The following CDH4 variants were observed in gnomAD, a reference collection of about 807,000 sequenced individuals.
CDH4 encodes cadherin 4.
Under a neutral mutation model 86.0 loss-of-function variants are expected in CDH4, and 33 were observed. That is an observed-to-expected ratio of 0.38 (90% confidence interval 0.29 to 0.51). The LOEUF (loss-of-function observed/expected upper bound fraction) is 0.51. Among genes scored for constraint, CDH4 ranks in the 20% least tolerant of loss-of-function variants. The pLI is 0.86. For synonymous variants in CDH4, 555 were observed against 549.4 expected (o/e 1.01, Z -0.14); for missense variants, 1,114 against 1,307.4 (o/e 0.85, Z 2.28).
intron 2 of CDH4, among the ~76,000 whole-genome samples, chr20:61,307,226 A>G (rs891096421): frequency 9.9e-5 from 15 of 152,142 alleles, no homozygotes; most frequent in African/African-American, 3.6e-4. Context: ...CTCAGCACCT[A>G]CATGCTCCAA....
intron 2 of CDH4, among the ~76,000 whole-genome samples, chr20:61,396,798 G>T (rs1204973727): frequency 1.3e-5 from 2 of 152,248 alleles, no homozygotes; most frequent in Admixed American, 6.5e-5. Flanking sequence ...GGAGGGAGAT[G>T]CCGGGGGCTG....
intron 2 of CDH4, among the ~76,000 whole-genome samples, chr20:61,311,805 A>G (rs1235956377): frequency 2.0e-5 from 3 of 152,280 alleles, no homozygotes; most frequent in Non-Finnish European, 2.9e-5. Context: ...TCAAGCCTGA[A>G]AAAACAAAAC....
At chr20:61,277,469 A>G (rs1043819671) in intron 2 of CDH4, among the ~76,000 whole-genome samples, 3 of 152,196 alleles carry the variant, frequency 2.0e-5, no homozygotes, top group Admixed American at 6.6e-5. Flanking sequence ...GTGCACTCAC[A>G]TGAAGCCTTC....
At chr20:61,313,396 T>C (rs2084458491) in intron 2 of CDH4, among the ~76,000 whole-genome samples, 1 of 152,190 alleles carries the variant, frequency 6.6e-6, no homozygotes, top group Non-Finnish European at 1.5e-5. Context: ...GCTCCCTTCA[T>C]CTTTTAAAAT....
rs373971246 is a variant in CDH4, at chr20:61,710,959, C to T, written c.170-32604C>T. 7.0e-4 allele frequency among the ~76,000 whole-genome samples: 107 copies of T among 152,296 alleles called. 2 individuals carry two copies. The South Asian group carries it at 0.012, about 17-fold the overall frequency. ...CAGTGGCCTGAACATCATAGGCATACGACCTTACAGTTCTCAAGGTCAGAA... is the reference window on the plus strand; with the variant it reads ...CAGTGGCCTGAACATCATAGGCATATGACCTTACAGTTCTCAAGGTCAGAA... On this transcript the variant is annotated intron_variant, in intron 2 of 15. Coordinates refer to ENST00000614565, the MANE Select transcript of CDH4 (RefSeq NM_001794.5).
chr20:61,929,216 G>T (rs1189351448), intron 12 of CDH4, among the ~76,000 whole-genome samples: 1 of 150,916 alleles, frequency 6.6e-6, no homozygotes, highest in Non-Finnish European at 1.5e-5. Context: ...TCTCAGCTCT[G>T]CAACTCCACC....
chr20:61,866,439 G>A (rs945442064), intron 6 of CDH4, among the ~76,000 whole-genome samples: 5 of 152,168 alleles, frequency 3.3e-5, no homozygotes, highest in East Asian at 3.9e-4. Context: ...CCCTCCCCCC[G>A]GAGGCCATGG....
chr20:61,451,129 C>CCCA (rs1555851644), intron 2 of CDH4, among the ~76,000 whole-genome samples: 1 of 149,762 alleles, frequency 6.7e-6, no homozygotes. Flanking sequence ...CACGCCCCCC[C>CCCA]CCTTCCCTCC....
At chr20:61,460,222 G>A (rs747988503) in intron 2 of CDH4, among the ~76,000 whole-genome samples, 5 of 152,292 alleles carry the variant, frequency 3.3e-5, no homozygotes, top group Middle Eastern at 3.4e-3. Context: ...GCCCACTGTC[G>A]GACTTTTCAT....
At chr20:61,896,554 C>T (rs923398214) in intron 8 of CDH4, among the ~76,000 whole-genome samples, 15 of 152,238 alleles carry the variant, frequency 9.9e-5, no homozygotes, top group Admixed American at 5.2e-4. Context: ...GCAGTGAGTC[C>T]AGGCAGCAAG....
chr20:61,440,877 C>T (rs1364753135), intron 2 of CDH4, among the ~76,000 whole-genome samples: 4 of 152,106 alleles, frequency 2.6e-5, no homozygotes, highest in Non-Finnish European at 5.9e-5. Flanking sequence ...ACTGCCCTCG[C>T]GGTGGTAAGT....
chr20:61,587,181 C>T (rs549486212), intron 2 of CDH4, among the ~76,000 whole-genome samples: 1 of 152,320 alleles, frequency 6.6e-6, no homozygotes, highest in Non-Finnish European at 1.5e-5. Flanking sequence ...AGGAGGAAGC[C>T]TCCAGGCTCG....
chr20:61,885,243 C>T (rs776828175), intron 7 of CDH4, among the ~76,000 whole-genome samples: 1 of 152,216 alleles, frequency 6.6e-6, no homozygotes, highest in Non-Finnish European at 1.5e-5. Context: ...CAACCATCAC[C>T]TTGACTTAGC....
chr20:61,294,344 C>T (rs6101298), intron 2 of CDH4, among the ~76,000 whole-genome samples: 1 of 152,204 alleles, frequency 6.6e-6, no homozygotes, highest in South Asian at 2.1e-4. Flanking sequence ...GTCTCATGAC[C>T]TGCCATCACC....
chr20:61,565,060 TC>T lies in CDH4; in HGVS notation c.170-178502del, dbSNP rs1285034048. Reference sequence around the variant, plus strand: ...GTTTCTTTGCTGCCACTGGTGGTGCTCTTGGTGGTGGTGGTGGTGGTGGTGG... The same window carrying T: ...GTTTCTTTGCTGCCACTGGTGGTGCTTTGGTGGTGGTGGTGGTGGTGGTGG... On this transcript the variant is annotated intron_variant, in intron 2 of 15. Transcript: ENST00000614565. Among the ~76,000 whole-genome samples the T allele has an allele frequency of 2.2e-4, 27 of 122,956 alleles. 2 individuals carry two copies. The highest frequency in any genetic ancestry group is 3.3e-4 in the African/African-American group (10 of 30,502). 80.7% of individuals were successfully genotyped at this position (122,956 alleles called of 152,430 possible).
At chr20:61,379,569 G>T (rs2084889229) in intron 2 of CDH4, among the ~76,000 whole-genome samples, 1 of 152,088 alleles carries the variant, frequency 6.6e-6, no homozygotes, top group Non-Finnish European at 1.5e-5. Context: ...TGGGGCTTTT[G>T]GTCTTTAAAT....
chr20:61,522,583 A>G (rs1269326594), intron 2 of CDH4, among the ~76,000 whole-genome samples: 4 of 152,258 alleles, frequency 2.6e-5, no homozygotes, highest in African/African-American at 9.6e-5. Flanking sequence ...TTAACTTAGT[A>G]AAAGGTAATT....
chr20:61,538,329 G>A (rs1300439973), intron 2 of CDH4, among the ~76,000 whole-genome samples: 1 of 152,144 alleles, frequency 6.6e-6, no homozygotes, highest in Non-Finnish European at 1.5e-5. Flanking sequence ...CCCTCCCCAG[G>A]GGCTGGTGCA....
At chr20:61,702,948 C>T (rs966660269) in intron 2 of CDH4, among the ~76,000 whole-genome samples, 4 of 152,184 alleles carry the variant, frequency 2.6e-5, no homozygotes, top group African/African-American at 7.2e-5. Context: ...GGCGTGTGCT[C>T]AGCTGGCAGA....
Sources: allele counts gnomAD v4.1 joint callset (sites outside exome capture counted in the v4.1 genomes callset), GRCh38; gene constraint gnomAD v4.1.1; transcripts MANE v1.5; gene names NCBI Gene and HGNC (gene_info 2026-07-23, HGNC 2026-07-21).